Variants in NCOR1 observed in about 807,000 individuals in gnomAD.
NCOR1 encodes protein phosphatase 1, regulatory subunit 109.
In NCOR1, 63 loss-of-function variants were observed where a neutral mutation model predicts 288.1. The ratio of observed to expected loss-of-function variants is 0.22; its 90% confidence interval spans 0.18 to 0.27. NCOR1 has a LOEUF of 0.27. Ranked by LOEUF, NCOR1 falls within the 10% of genes least tolerant of loss-of-function variation. The pLI, the probability that NCOR1 is intolerant of heterozygous loss-of-function variation, is 1.00. For synonymous variants in NCOR1, 1,007 were observed against 1,065.9 expected (o/e 0.94, Z 1.08); for missense variants, 2,397 against 3,019.2 (o/e 0.79, Z 4.83).
At chr17:16,067,013 C>T (rs535259797) in intron 32 of NCOR1, among the ~76,000 whole-genome samples, 1 of 152,258 alleles carries the variant, frequency 6.6e-6, no homozygotes, top group East Asian at 1.9e-4. Flanking sequence ...CAGCCAATAG[C>T]GGCAAGGAAG....
At chr17:16,100,883 G>C (rs919950780) in intron 20 of NCOR1, among the ~76,000 whole-genome samples, 1 of 152,166 alleles carries the variant, frequency 6.6e-6, no homozygotes, top group African/African-American at 2.4e-5. Flanking sequence ...TTAGAGAAGC[G>C]GGAGTGCCTC....
rs532395937 is a variant in NCOR1, at chr17:16,189,710, G to T, written c.109-3023C>A. 3.3e-5 allele frequency among the ~76,000 whole-genome samples: 5 copies of T among 152,036 alleles called. No individual in the cohort carries two copies. In the East Asian group the frequency reaches 9.7e-4, roughly 29 times the overall value. On this transcript the variant is annotated intron_variant, in intron 2 of 45. Coordinates refer to ENST00000268712, the MANE Select transcript of NCOR1 (RefSeq NM_006311.4). ...TTAAAAGGGCTTAAGGAAAAAACTG[G>T]ATGTATTTTTTAAATTAATCCATAC...
At chr17:16,038,575 C>T (rs911169313) in intron 44 of NCOR1, among the ~76,000 whole-genome samples, 11 of 151,836 alleles carry the variant, frequency 7.2e-5, no homozygotes, top group Non-Finnish European at 1.0e-4. Context: ...GTAACTGGGA[C>T]TACAGCGTGA....
In NCOR1 at chr17:16,061,877, C is replaced by T. The variant is rs993136924; in HGVS notation, c.5405G>A (p.Gly1802Asp). 1 of 1,608,684 alleles carries T rather than the reference C, an allele frequency of 6.2e-7. No homozygotes were observed. The highest frequency in any genetic ancestry group is 1.3e-5 in the African/African-American group (1 of 74,634). ...TGGCAGGCCTTGGCTTATTGAAGGG[C>T]CCCCAGCAGGCAGTGGCCTGTAAAT... Reference protein sequence around the residue: ...QLRIMPLPAGGPSISQGLPAS... With the variant: ...QLRIMPLPAGDPSISQGLPAS... Residue 1802 changes from glycine (G) to aspartate (D), a missense_variant, in exon 37 of 46, where the codon GGC becomes GAC. Gly to Asp is a moderately conservative substitution (Grantham distance 94). Coordinates refer to ENST00000268712, the MANE Select transcript of NCOR1 (RefSeq NM_006311.4).
At chr17:16,189,725 T>C (rs545683938) in intron 2 of NCOR1, among the ~76,000 whole-genome samples, 1 of 152,264 alleles carries the variant, frequency 6.6e-6, no homozygotes, top group South Asian at 2.1e-4. Context: ...ATTTTTTAAA[T>C]TAATCCATAC....
chr17:16,125,011 AT>A (rs2073757357), intron 15 of NCOR1, among the ~76,000 whole-genome samples: 1 of 152,250 alleles, frequency 6.6e-6, no homozygotes, highest in African/African-American at 2.4e-5. Context: ...CAAAAATTAC[AT>A]TTACTGTAAT....
intron 5 of NCOR1, among the ~76,000 whole-genome samples, chr17:16,164,286 T>TA (rs955192810): frequency 6.0e-5 from 9 of 149,756 alleles, no homozygotes; most frequent in Non-Finnish European, 1.0e-4. Flanking sequence ...AGTCTACACT[T>TA]AGAGTGAATA....
At position 16,073,416 on chromosome 17, in the gene NCOR1, A is replaced by T; in HGVS notation, c.3811+13T>A. 6.4e-7 allele frequency: 1 copy of T among 1,556,500 alleles called. No individual in the cohort carries two copies. Among genetic ancestry groups the T allele is most frequent in the Non-Finnish European group, 8.7e-7 (1 of 1,155,868 alleles). On this transcript the variant is annotated intron_variant, in intron 28 of 45. Transcript: ENST00000268712. ...ACATGTATCAAAATAACATTCTGAA[A>T]ACAATGCTTTACCCTCTAACGGTGC... is the stretch of plus-strand genomic sequence containing the variant.
chr17:16,137,199 G>C (rs938037263), intron 14 of NCOR1, 112 bp downstream of exon 14: 1 of 554,700 alleles, frequency 1.8e-6, no homozygotes, highest in East Asian at 3.3e-5. Flanking sequence ...TAATTTAACA[G>C]AAACATCAAT....
At chr17:16,092,668 TATATATATATATATATATATA>T (rs1567957344) in intron 21 of NCOR1, among the ~76,000 whole-genome samples, 24 of 14,326 alleles carry the variant, frequency 1.7e-3, no homozygotes, top group African/African-American at 7.7e-3. Flanking sequence ...TATATATATA[TATATATATATATATATATATA>T]TATATATTTT....
At chr17:16,080,560 G>A (rs2063238089) in intron 24 of NCOR1, 47 bp downstream of exon 24, 1 of 1,613,866 alleles carries the variant, frequency 6.2e-7, no homozygotes, top group Admixed American at 1.7e-5. Flanking sequence ...ATTACTGGCT[G>A]TGATGCTACA....
At position 16,118,171 on chromosome 17, in the gene NCOR1, T is replaced by C. The variant is rs2072115892; in HGVS notation, c.1916-144A>G. On this transcript the variant is annotated intron_variant, in intron 17 of 45. Coordinates refer to ENST00000268712, the MANE Select transcript of NCOR1 (RefSeq NM_006311.4). Reference sequence around the variant, plus strand: ...CAATTACTTATCATATATACTTTGATACTTATAAAAATACTTATTGAAACA... The same window carrying C: ...CAATTACTTATCATATATACTTTGACACTTATAAAAATACTTATTGAAACA... 6.1e-6 allele frequency: 5 copies of C among 821,488 alleles called. No individual in the cohort carries two copies. In the South Asian group the frequency reaches 8.8e-5, roughly 14 times the overall value. 50.9% of individuals were successfully genotyped at this position (821,488 alleles called of 1,614,324 possible).
chr17:16,074,992 C>A (rs879605158), intron 27 of NCOR1, among the ~76,000 whole-genome samples: 1 of 152,064 alleles, frequency 6.6e-6, no homozygotes, highest in Non-Finnish European at 1.5e-5. Flanking sequence ...CTCAGCCTCC[C>A]GAGTAGCTGG....
At chr17:16,174,698 G>C (rs558818524) in intron 3 of NCOR1, among the ~76,000 whole-genome samples, 1 of 152,116 alleles carries the variant, frequency 6.6e-6, no homozygotes, top group African/African-American at 2.4e-5. Flanking sequence ...AATAAACTAC[G>C]AAAATCTTTG....
chr17:16,092,123 G>C, intron 21 of NCOR1, 65 bp from the exon 22 acceptor site: 3 of 1,526,770 alleles, frequency 2.0e-6, no homozygotes, highest in Non-Finnish European at 2.7e-6. Flanking sequence ...CTCTTAACAA[G>C]TAATGTAATG....
intron 40 of NCOR1, chr17:16,057,197 T>C (rs2060034163): frequency 7.0e-6 from 2 of 284,552 alleles, no homozygotes; most frequent in African/African-American, 2.2e-5. Flanking sequence ...CAGATAAATA[T>C]GAGAGGTATT....
At chr17:16,204,865 GAT>G (rs2091294741) in intron 1 of NCOR1, among the ~76,000 whole-genome samples, 1 of 152,214 alleles carries the variant, frequency 6.6e-6, no homozygotes, top group Non-Finnish European at 1.5e-5. Flanking sequence ...GCTGGGTTTG[GAT>G]ATATCTGACT....
intron 11 of NCOR1, among the ~76,000 whole-genome samples, chr17:16,139,390 C>T (rs1037014014): frequency 7.2e-5 from 11 of 152,106 alleles, no homozygotes; most frequent in Non-Finnish European, 1.3e-4. Context: ...CAGAGAATAT[C>T]CATATCGTTT....
At chr17:16,109,425 A>G (rs2069511854) in intron 18 of NCOR1, among the ~76,000 whole-genome samples, 1 of 152,076 alleles carries the variant, frequency 6.6e-6, no homozygotes, top group African/African-American at 2.4e-5. Flanking sequence ...AAACACAACC[A>G]GGAAAGCCCT....
Sources: allele counts gnomAD v4.1 joint callset (sites outside exome capture counted in the v4.1 genomes callset), GRCh38; gene constraint gnomAD v4.1.1; transcripts MANE v1.5; gene names NCBI Gene and HGNC (gene_info 2026-07-23, HGNC 2026-07-21).